PCDHA3: variants seen among roughly 807,000 people sequenced by gnomAD.
PCDHA3 encodes protocadherin alpha 3.
PCDHA3 carries 41 observed loss-of-function variants against 62.2 expected under a neutral mutation model. The observed-to-expected ratio is 0.66, with a 90% CI of 0.51 to 0.86. The LOEUF (loss-of-function observed/expected upper bound fraction) is 0.86, where lower values mean the gene tolerates loss of function less well. Ranked by LOEUF, PCDHA3 falls within the 40% of genes least tolerant of loss-of-function variation. PCDHA3 has a pLI of 0.00. For missense variants in PCDHA3, 1,304 were observed against 1,241.2 expected (o/e 1.05, Z -0.76); for synonymous variants, 640 against 555.4 (o/e 1.15, Z -2.14).
chr5:140,859,706 C>T (rs1311210067), intron 1 of PCDHA3: 1 of 153,842 alleles, frequency 6.5e-6, no homozygotes, highest in Non-Finnish European at 1.4e-5. Context: ...AGTTTAGGAA[C>T]ACCAAAAAAA....
intron 1 of PCDHA3, among the ~76,000 whole-genome samples, chr5:140,978,150 C>A (rs1009630892): frequency 6.6e-6 from 1 of 152,168 alleles, no homozygotes; most frequent in Non-Finnish European, 1.5e-5. Context: ...TTGTTCTCCC[C>A]CTTCAGACTG....
chr5:140,901,588 T>A (rs1245761513), intron 1 of PCDHA3, among the ~76,000 whole-genome samples: 1 of 152,176 alleles, frequency 6.6e-6, no homozygotes, highest in Non-Finnish European at 1.5e-5. Flanking sequence ...TGCCATGATG[T>A]TTTGGTTACT....
At chr5:140,922,385 C>A (rs1267053151) in intron 1 of PCDHA3, among the ~76,000 whole-genome samples, 5 of 152,156 alleles carry the variant, frequency 3.3e-5, no homozygotes, top group Non-Finnish European at 7.4e-5. Context: ...AAACCAAAGA[C>A]TCCTTGTTTT....
chr5:140,964,586 C>T (rs2095842092), intron 1 of PCDHA3, among the ~76,000 whole-genome samples: 1 of 152,078 alleles, frequency 6.6e-6, no homozygotes, highest in Non-Finnish European at 1.5e-5. Flanking sequence ...GAGGAAAGAT[C>T]ACTTTTCATG....
chr5:140,927,418 C>T (rs1296760547), intron 1 of PCDHA3: 3 of 1,614,106 alleles, frequency 1.9e-6, no homozygotes, highest in Admixed American at 1.7e-5. Flanking sequence ...CATGGGATCG[C>T]GGGTTGACGG....
chr5:140,803,596 G>C lies in PCDHA3; in HGVS notation c.2394+5G>C. 1 of 1,614,106 alleles carries C rather than the reference G, an allele frequency of 6.2e-7. No individual in the cohort carries two copies. Among genetic ancestry groups the C allele is most frequent in the Non-Finnish European group, 8.5e-7 (1 of 1,180,012 alleles). ...GACGTTGATCTCTCAGCCAAAGTGA[G>C]TAATTTTTATTTATTCTTTCCAAAA... On this transcript the variant is annotated splice_donor_5th_base_variant and intron_variant, in intron 1 of 3. Coordinates refer to ENST00000522353, the MANE Select transcript of PCDHA3 (RefSeq NM_018906.3).
chr5:140,907,109 C>T (rs6883830), intron 1 of PCDHA3, among the ~76,000 whole-genome samples: 5,598 of 152,160 alleles, frequency 0.037, 292 homozygotes, highest in African/African-American at 0.12. Flanking sequence ...CCACTTCCAC[C>T]CCTTGATTCC....
chr5:140,870,658 C>G, intron 1 of PCDHA3: 3 of 1,612,534 alleles, frequency 1.9e-6, no homozygotes, highest in Non-Finnish European at 2.5e-6. Context: ...GGTGTACGCG[C>G]TGCAGCCGTT....
chr5:140,821,892 A>G, intron 1 of PCDHA3: 1 of 1,614,238 alleles, frequency 6.2e-7, no homozygotes, highest in Non-Finnish European at 8.5e-7. Flanking sequence ...AGGAAGCCAA[A>G]CACGGAACCT....
intron 1 of PCDHA3, chr5:140,877,954 T>C: frequency 7.5e-7 from 1 of 1,334,236 alleles, no homozygotes; most frequent in Non-Finnish European, 9.8e-7. Context: ...ATCGAATGTC[T>C]CATCTTTCTT....
intron 1 of PCDHA3, chr5:140,927,761 G>C (rs1554205028): frequency 6.2e-7 from 1 of 1,614,102 alleles, no homozygotes. Flanking sequence ...CACCCTAAAA[G>C]TGGGGAGGTG....
intron 1 of PCDHA3, chr5:140,814,816 G>C (rs1266855293): frequency 6.6e-6 from 1 of 152,104 alleles, no homozygotes; most frequent in Non-Finnish European, 1.5e-5. Flanking sequence ...TTATTGTATT[G>C]CTATCTATTT....
intron 1 of PCDHA3, chr5:140,812,583 T>A (rs2126640107): frequency 6.6e-6 from 1 of 152,290 alleles, no homozygotes; most frequent in East Asian, 1.9e-4. Context: ...ATCTTTCTTC[T>A]TTCTTCATTT....
At position 140,845,521 on chromosome 5, in the gene PCDHA3, A is replaced by G. The variant is rs1275261867; in HGVS notation, c.2394+41930A>G. Among the ~76,000 whole-genome samples, 5 of 149,702 alleles carry G rather than the reference A, an allele frequency of 3.3e-5. No homozygotes were observed. In the East Asian group the frequency reaches 9.7e-4, roughly 29 times the overall value. ...GTCTAAACCTATTTCTTGTACATTA[A>G]TACTTTTCACTATTCTAATTATGGT... On this transcript the variant is annotated intron_variant, in intron 1 of 3. Transcript: ENST00000522353.
chr5:140,978,820 TG>T, intron 1 of PCDHA3, 128 bp from the exon 2 acceptor site: 2 of 1,517,498 alleles, frequency 1.3e-6, no homozygotes, highest in Non-Finnish European at 1.8e-6. Flanking sequence ...GAGTTACACA[TG>T]AAATGGCTCA....
chr5:140,913,965 A>G (rs1228834396), intron 1 of PCDHA3, among the ~76,000 whole-genome samples: 7 of 152,300 alleles, frequency 4.6e-5, no homozygotes, highest in Admixed American at 2.6e-4. Flanking sequence ...ATTTTTAAAA[A>G]AATATTTTAG....
chr5:140,987,433 T>C (rs2097253895), intron 3 of PCDHA3, among the ~76,000 whole-genome samples: 1 of 152,108 alleles, frequency 6.6e-6, no homozygotes. Flanking sequence ...CAGGGGGCCT[T>C]TCCCCATGCC....
At chr5:140,828,193 C>T in intron 1 of PCDHA3, 1 of 1,614,094 alleles carries the variant, frequency 6.2e-7, no homozygotes, top group South Asian at 1.1e-5. Context: ...TCCACTACTC[C>T]GTACCCGAGG....
chr5:140,879,101 A>G (rs2153365508), intron 1 of PCDHA3, among the ~76,000 whole-genome samples: 1 of 152,330 alleles, frequency 6.6e-6, no homozygotes, highest in East Asian at 1.9e-4. Context: ...TGCACAGTAT[A>G]TGGTGTAATT....
Sources: gnomAD v4.1 joint callset for allele counts (sites outside exome capture counted in the v4.1 genomes callset) on GRCh38, gnomAD v4.1.1 for gene constraint, MANE v1.5 for transcripts, NCBI Gene and HGNC (gene_info 2026-07-23, HGNC 2026-07-21) for gene names.